Variants in RNF121 observed in about 807,000 individuals in gnomAD.
The protein encoded by RNF121 is E3 ubiquitin ligase RNF121.
Under a neutral mutation model 46.5 loss-of-function variants are expected in RNF121, and 21 were observed. That is an observed-to-expected ratio of 0.45 (90% confidence interval 0.32 to 0.65). The LOEUF (loss-of-function observed/expected upper bound fraction) is 0.65, where lower values mean the gene tolerates loss of function less well. RNF121 is among the 30% of genes least tolerant of loss of function. The pLI is 0.04. For synonymous variants in RNF121, 139 were observed against 144.7 expected (o/e 0.96, Z 0.28); for missense variants, 346 against 416.0 (o/e 0.83, Z 1.46).
intron 3 of RNF121, among the ~76,000 whole-genome samples, chr11:71,979,674 A>C (rs1954604326): frequency 6.6e-6 from 1 of 152,246 alleles, no homozygotes; most frequent in African/African-American, 2.4e-5. Flanking sequence ...GCTGCAGCTC[A>C]TGTAGAGAAA....
At chr11:71,929,258 C>A (rs193012978) in intron 1 of RNF121, 134 bp downstream of exon 1, 4 of 1,395,472 alleles carry the variant, frequency 2.9e-6, no homozygotes, top group Non-Finnish European at 3.8e-6. Flanking sequence ...GGGGCGGGTG[C>A]GTGGAGAGCG....
chr11:71,967,738 C>G (rs1030290942), intron 3 of RNF121, among the ~76,000 whole-genome samples: 1 of 152,078 alleles, frequency 6.6e-6, no homozygotes, highest in Admixed American at 6.5e-5. Context: ...TTATCTTTTA[C>G]TGCTATACCT....
Position 71,981,474 on chromosome 11 carries a change from A to G in RNF121, c.244-1287A>G, listed in dbSNP as rs376195118. On this transcript the variant is annotated intron_variant, in intron 3 of 8. Transcript: ENST00000361756. Reference sequence around the variant, plus strand: ...TTTGATTTTGTTGATGGCATCAGGAAGAAAACCTCCATTATGTATTATTTG... The same window carrying G: ...TTTGATTTTGTTGATGGCATCAGGAGGAAAACCTCCATTATGTATTATTTG... 5.3e-5 allele frequency among the ~76,000 whole-genome samples: 8 copies of G among 152,330 alleles called. No homozygotes were observed. The East Asian group carries it at 9.6e-4, about 18-fold the overall frequency.
At chr11:71,953,214 T>C (rs185570981) in intron 1 of RNF121, among the ~76,000 whole-genome samples, 1 of 152,230 alleles carries the variant, frequency 6.6e-6, no homozygotes, top group Non-Finnish European at 1.5e-5. Context: ...ATTTATTTTT[T>C]GTAGAGATGG....
chr11:71,972,968 C>T lies in RNF121; in HGVS notation c.244-9793C>T, dbSNP rs1330843586. 3.3e-5 allele frequency among the ~76,000 whole-genome samples: 5 copies of T among 152,084 alleles called. No homozygotes were observed. In the East Asian group the frequency reaches 7.7e-4, roughly 24 times the overall value. ...TTGGGAGGCCGAGGCAGGCGGATCA[C>T]GTGAGGTCAGGAGTTGGAGACCATC... On this transcript the variant is annotated intron_variant, in intron 3 of 8. Coordinates refer to ENST00000361756, the MANE Select transcript of RNF121 (RefSeq NM_018320.5).
chr11:71,946,004 G>A (rs1011038623), intron 1 of RNF121, among the ~76,000 whole-genome samples: 13 of 151,920 alleles, frequency 8.6e-5, no homozygotes, highest in African/African-American at 2.9e-4. Flanking sequence ...CCTGCTACTC[G>A]GGAGGCTGAG....
At chr11:71,953,383 C>G (rs1264307527) in intron 1 of RNF121, among the ~76,000 whole-genome samples, 2 of 152,158 alleles carry the variant, frequency 1.3e-5, no homozygotes, top group Non-Finnish European at 2.9e-5. Context: ...TGAGTTAGAT[C>G]TCTGTAAAGT....
intron 1 of RNF121, among the ~76,000 whole-genome samples, chr11:71,946,612 G>A (rs1348763363): frequency 6.6e-6 from 1 of 151,554 alleles, no homozygotes; most frequent in Non-Finnish European, 1.5e-5. Flanking sequence ...CCAGGGCTTG[G>A]GGATGGGAAT....
At chr11:71,982,693 A>G in intron 3 of RNF121, 68 bp from the exon 4 acceptor site, 2 of 1,490,208 alleles carry the variant, frequency 1.3e-6, no homozygotes, top group Admixed American at 2.3e-5. Flanking sequence ...AACAAGCTGC[A>G]TTTGGGACTG....
chr11:71,984,592 CTATTTATT>C (rs768716454), intron 4 of RNF121, among the ~76,000 whole-genome samples: 1 of 147,982 alleles, frequency 6.8e-6, no homozygotes, highest in Admixed American at 6.8e-5. Context: ...TAACTACTAG[CTATTTATT>C]TATTTATTTA....
At chr11:71,974,141 C>T (rs1256117290) in intron 3 of RNF121, among the ~76,000 whole-genome samples, 2 of 152,124 alleles carry the variant, frequency 1.3e-5, no homozygotes, top group Middle Eastern at 3.2e-3. Context: ...CGGGGTTTCA[C>T]CGTGTTAGCC....
At chr11:71,942,900 G>C (rs138169295) in intron 1 of RNF121, among the ~76,000 whole-genome samples, 79 of 152,000 alleles carry the variant, frequency 5.2e-4, no homozygotes, top group African/African-American at 1.7e-3. Context: ...ATGATGTCTG[G>C]CAAAGGCTCT....
chr11:71,978,834 C>T (rs1306019401), intron 3 of RNF121, among the ~76,000 whole-genome samples: 1 of 152,186 alleles, frequency 6.6e-6, no homozygotes, highest in Non-Finnish European at 1.5e-5. Context: ...TGAAGCTTTT[C>T]AGAGTTAAAC....
intron 4 of RNF121, among the ~76,000 whole-genome samples, chr11:71,985,000 C>T (rs1217901309): frequency 6.6e-6 from 1 of 152,158 alleles, no homozygotes; most frequent in African/African-American, 2.4e-5. Context: ...CAACTCACTG[C>T]AGCCTCATCC....
chr11:71,932,784 A>G (rs1475651795), intron 1 of RNF121, among the ~76,000 whole-genome samples: 1 of 152,252 alleles, frequency 6.6e-6, no homozygotes, highest in Non-Finnish European at 1.5e-5. Flanking sequence ...CCATTTTCAA[A>G]ACATAAAGCA....
At chr11:71,965,360 C>T (rs1186964070) in intron 3 of RNF121, among the ~76,000 whole-genome samples, 1 of 151,864 alleles carries the variant, frequency 6.6e-6, no homozygotes, top group Non-Finnish European at 1.5e-5. Context: ...AAGGGATCCT[C>T]CCACTTCAGC....
chr11:71,961,966 ATTTT>A (rs11399586), intron 3 of RNF121, among the ~76,000 whole-genome samples: 1 of 134,290 alleles, frequency 7.4e-6, no homozygotes. Context: ...ATCTGCAAAG[ATTTT>A]TTTTTTTTTT....
At chr11:71,949,952 G>A (rs922628759) in intron 1 of RNF121, among the ~76,000 whole-genome samples, 1 of 152,020 alleles carries the variant, frequency 6.6e-6, no homozygotes, top group Non-Finnish European at 1.5e-5. Flanking sequence ...AGTGAGCCAA[G>A]ATTGCGCCAG....
chr11:71,935,760 G>A (rs1467349690), intron 1 of RNF121, among the ~76,000 whole-genome samples: 1 of 151,934 alleles, frequency 6.6e-6, no homozygotes, highest in Non-Finnish European at 1.5e-5. Flanking sequence ...GTTTTATTTT[G>A]GCCATGTTTC....
Sources: allele counts gnomAD v4.1 joint callset (sites outside exome capture counted in the v4.1 genomes callset), GRCh38; gene constraint gnomAD v4.1.1; transcripts MANE v1.5; gene names NCBI Gene and HGNC (gene_info 2026-07-23, HGNC 2026-07-21).